DAPK1: variants seen among roughly 807,000 people sequenced by gnomAD.
DAPK1 encodes death associated protein kinase 1, also known as death-associated protein kinase 1.
In DAPK1, 56 loss-of-function variants were observed where a neutral mutation model predicts 144.9. That is an observed-to-expected ratio of 0.39 (90% confidence interval 0.31 to 0.48). DAPK1 has a LOEUF of 0.48. Ranked by LOEUF, DAPK1 falls within the 20% of genes least tolerant of loss-of-function variation. DAPK1 has a pLI of 0.95. For synonymous variants in DAPK1, 690 were observed against 749.0 expected (o/e 0.92, Z 1.29); for missense variants, 1,454 against 1,875.4 (o/e 0.78, Z 4.15).
intron 2 of DAPK1, among the ~76,000 whole-genome samples, chr9:87,575,627 G>A (rs1221291509): frequency 6.6e-6 from 1 of 152,210 alleles, no homozygotes; most frequent in Admixed American, 6.5e-5. Flanking sequence ...TAAATGTTGA[G>A]AATCAAATAG....
intron 8 of DAPK1, 89 bp from the exon 9 acceptor site, chr9:87,640,713 C>G (rs955090155): frequency 1.4e-6 from 2 of 1,388,626 alleles, no homozygotes; most frequent in African/African-American, 2.8e-5. Context: ...TCCACAGTAT[C>G]TGCTTGGCAG....
chr9:87,675,873 A>G (rs554351348), intron 19 of DAPK1, among the ~76,000 whole-genome samples: 1 of 151,362 alleles, frequency 6.6e-6, no homozygotes, highest in Non-Finnish European at 1.5e-5. Context: ...ACACACACAC[A>G]CACACACACA....
intron 3 of DAPK1, among the ~76,000 whole-genome samples, chr9:87,631,186 G>T (rs1308522109): frequency 1.3e-5 from 2 of 152,150 alleles, no homozygotes; most frequent in African/African-American, 4.8e-5. Context: ...GCCTCATGGG[G>T]TAATTAGTAT....
chr9:87,513,178 C>T (rs1824915072), intron 2 of DAPK1, among the ~76,000 whole-genome samples: 1 of 152,106 alleles, frequency 6.6e-6, no homozygotes, highest in Admixed American at 6.5e-5. Context: ...TCATTTGAAC[C>T]GTAATATTTG....
chr9:87,561,008 G>A (rs1826895776), intron 2 of DAPK1, among the ~76,000 whole-genome samples: 1 of 152,116 alleles, frequency 6.6e-6, no homozygotes, highest in African/African-American at 2.4e-5. Flanking sequence ...ATTCCATTAT[G>A]TGTATAAATC....
chr9:87,541,982 A>G (rs1417332959), intron 2 of DAPK1, among the ~76,000 whole-genome samples: 1 of 152,230 alleles, frequency 6.6e-6, no homozygotes, highest in African/African-American at 2.4e-5. Context: ...TTTTCAAGAA[A>G]TAGAAATCCT....
At chr9:87,529,843 G>A (rs1277851786) in intron 2 of DAPK1, among the ~76,000 whole-genome samples, 1 of 152,208 alleles carries the variant, frequency 6.6e-6, no homozygotes, top group African/African-American at 2.4e-5. Flanking sequence ...CTGTTCTGTT[G>A]TTCTGTGGTC....
intron 2 of DAPK1, among the ~76,000 whole-genome samples, chr9:87,565,503 T>A (rs529807630): frequency 6.6e-6 from 1 of 152,130 alleles, no homozygotes; most frequent in Non-Finnish European, 1.5e-5. Context: ...TGCAGCAGGC[T>A]AATAGGAGAA....
intron 2 of DAPK1, chr9:87,525,474 A>G: frequency 9.2e-6 from 14 of 1,519,380 alleles, no homozygotes; most frequent in Non-Finnish European, 1.3e-5. Context: ...AAGTTGGACT[A>G]AATGATCTTC....
At chr9:87,646,423 A>C (rs765481444) in intron 12 of DAPK1, 38 bp from the exon 13 acceptor site, 2 of 1,498,742 alleles carry the variant, frequency 1.3e-6, no homozygotes. Context: ...TTTCCTACCA[A>C]ACCTGAAAAT....
chr9:87,529,297 C>A lies in DAPK1; in HGVS notation c.62+30158C>A, dbSNP rs1235514775. Among the ~76,000 whole-genome samples the A allele has an allele frequency of 2.0e-5, 3 of 152,168 alleles. No individual in the cohort carries two copies. The East Asian group carries it at 5.8e-4, about 29-fold the overall frequency. ...GCCTCAGTCTCTTCTGCCTTAGGCC[C>A]CCTTGGTCGAATTCTTTCTTTTGAG... On this transcript the variant is annotated intron_variant, in intron 2 of 25. Coordinates refer to ENST00000408954, the MANE Select transcript of DAPK1 (RefSeq NM_004938.4).
chr9:87,635,042 C>T (rs1281526603), intron 3 of DAPK1, among the ~76,000 whole-genome samples: 2 of 152,166 alleles, frequency 1.3e-5, no homozygotes, highest in Admixed American at 6.5e-5. Context: ...GTCAGAGGCT[C>T]AGCAAGGTTG....
chr9:87,704,090 G>T, intron 25 of DAPK1, among the ~76,000 whole-genome samples: 1 of 152,190 alleles, frequency 6.6e-6, no homozygotes, highest in East Asian at 1.9e-4. Context: ...ACAAGCCAGT[G>T]ACCTTGAAAA....
intron 2 of DAPK1, among the ~76,000 whole-genome samples, chr9:87,574,005 CT>C (rs1564002313): frequency 6.6e-6 from 1 of 152,144 alleles, no homozygotes; most frequent in Admixed American, 6.5e-5. Context: ...AAGACTTTGG[CT>C]TCTTTTATTA....
intron 3 of DAPK1, among the ~76,000 whole-genome samples, chr9:87,609,299 T>A (rs568213499): frequency 1.9e-3 from 288 of 152,292 alleles, no homozygotes; most frequent in Non-Finnish European, 3.2e-3. Flanking sequence ...TCCATAATAA[T>A]GTGAGCAAAT....
intron 2 of DAPK1, among the ~76,000 whole-genome samples, chr9:87,517,694 T>G (rs1825115506): frequency 6.6e-6 from 1 of 152,208 alleles, no homozygotes; most frequent in South Asian, 2.1e-4. Context: ...GTTTTCATCC[T>G]TGGCATAACC....
chr9:87,643,478 C>T lies in DAPK1; in HGVS notation c.1011+10C>T, dbSNP rs774816526. ...AAGCGATGATACTCTGGTAAGCAAA[C>T]CCGTGAGCCCTGGTGCTCCTTTCTT... On this transcript the variant is annotated intron_variant, in intron 11 of 25. Coordinates refer to ENST00000408954, the MANE Select transcript of DAPK1 (RefSeq NM_004938.4). 3 of 1,544,360 alleles carry T rather than the reference C, an allele frequency of 1.9e-6. No homozygotes were observed. In the South Asian group the frequency reaches 3.4e-5, roughly 18 times the overall value.
chr9:87,625,974 G>A (rs1326089942), intron 3 of DAPK1, among the ~76,000 whole-genome samples: 1 of 152,172 alleles, frequency 6.6e-6, no homozygotes, highest in Non-Finnish European at 1.5e-5. Flanking sequence ...GTAAGAAAAT[G>A]GGCAAAGGAT....
At chr9:87,698,250 G>A (rs1213962260) in intron 22 of DAPK1, among the ~76,000 whole-genome samples, 1 of 151,986 alleles carries the variant, frequency 6.6e-6, no homozygotes, top group African/African-American at 2.4e-5. Context: ...GGCTCTTTGT[G>A]TGACTTGCAG....
Sources: allele counts gnomAD v4.1 joint callset (sites outside exome capture counted in the v4.1 genomes callset), GRCh38; gene constraint gnomAD v4.1.1; transcripts MANE v1.5; gene names NCBI Gene and HGNC (gene_info 2026-07-23, HGNC 2026-07-21).